The following LARGE1 variants were observed in gnomAD, a reference collection of about 807,000 sequenced individuals.
LARGE1 encodes xylosyl- and glucuronyltransferase LARGE1.
A neutral mutation model predicts 87.6 loss-of-function variants in LARGE1; 43 were observed. The ratio of observed to expected loss-of-function variants is 0.49; its 90% CI spans 0.38 to 0.63. The LOEUF (loss-of-function observed/expected upper bound fraction) is 0.63. Ranked by LOEUF, LARGE1 falls within the 30% of genes least tolerant of loss-of-function variation. The probability of loss-of-function intolerance (pLI) is 0.00; values close to 1 mark genes in which losing one functional copy is unlikely to be tolerated. For synonymous variants in LARGE1, 434 were observed against 394.6 expected (o/e 1.10, Z -1.18); for missense variants, 802 against 1,000.2 (o/e 0.80, Z 2.67).
the LARGE1 span, among the ~76,000 whole-genome samples, chr22:33,074,219 C>T: frequency 3.3e-5 from 5 of 152,186 alleles, no homozygotes; most frequent in African/African-American, 1.2e-4. Flanking sequence ...ACTCCTTTAC[C>T]GGGACCGCTT....
chr22:33,661,882 G>C (rs2081133745), intron 2 of LARGE1, among the ~76,000 whole-genome samples: 2 of 152,048 alleles, frequency 1.3e-5, no homozygotes, highest in African/African-American at 4.8e-5. Context: ...CTCAGACTTT[G>C]ATATCCTTCT....
intron 5 of LARGE1, among the ~76,000 whole-genome samples, chr22:33,602,851 C>T (rs150704646): frequency 5.3e-4 from 80 of 152,214 alleles, no homozygotes; most frequent in African/African-American, 1.8e-3. Flanking sequence ...GGTGCAGGCT[C>T]ACAGGGGACA....
intron 11 of LARGE1, among the ~76,000 whole-genome samples, chr22:33,220,423 CAG>C (rs1341039522): frequency 1.3e-5 from 2 of 151,994 alleles, no homozygotes; most frequent in African/African-American, 2.4e-5. Flanking sequence ...AGACTAAAGA[CAG>C]AGGGAAATGG....
At chr22:33,882,427 C>T (rs183861820) in intron 1 of LARGE1, among the ~76,000 whole-genome samples, 3 of 152,172 alleles carry the variant, frequency 2.0e-5, no homozygotes, top group African/African-American at 7.2e-5. Flanking sequence ...CCAAATCATA[C>T]CAAGATGCCC....
chr22:33,337,687 G>C lies in LARGE1; in HGVS notation c.1246C>G (p.Leu416Val), dbSNP rs769600808. Residue 416 changes from leucine to valine, a missense_variant, in exon 10 of 15, where the codon CTG becomes GTG. Physicochemically the swap from Leu to Val is conservative, Grantham distance 32. Coordinates refer to ENST00000397394, the MANE Select transcript of LARGE1 (RefSeq NM_133642.5). ...TCAGCCTCACTGGGGCAGCCAAACA[G>C]TTCCCGCCTCAGAAGATTGCCGTCA... The part of the protein sequence containing the change: ...EYDGNLLRRE[L>V]FGCPSEADVN... The C allele has an allele frequency of 6.2e-7, 1 of 1,614,116 alleles. No individual in the cohort carries two copies. Among genetic ancestry groups the C allele is most frequent in the Non-Finnish European group, 8.5e-7 (1 of 1,180,032 alleles).
intron 6 of LARGE1, among the ~76,000 whole-genome samples, chr22:33,442,088 G>GAAT (rs1158233036): frequency 6.6e-6 from 1 of 152,178 alleles, no homozygotes; most frequent in Non-Finnish European, 1.5e-5. Flanking sequence ...GAGTTAGGCT[G>GAAT]AATAAGTGAA....
At chr22:33,179,445 A>G (rs1234125064) in intron 11 of LARGE1, among the ~76,000 whole-genome samples, 4 of 152,152 alleles carry the variant, frequency 2.6e-5, no homozygotes, top group Non-Finnish European at 5.9e-5. Context: ...GGAAATATAA[A>G]GTTTTTGCTT....
At chr22:33,462,139 T>G (rs577453678) in intron 6 of LARGE1, among the ~76,000 whole-genome samples, 3 of 152,194 alleles carry the variant, frequency 2.0e-5, no homozygotes, top group African/African-American at 7.2e-5. Context: ...AATGACCAGG[T>G]GTATTTGAAA....
At chr22:33,440,660 A>G (rs1427188592) in intron 6 of LARGE1, among the ~76,000 whole-genome samples, 1 of 152,234 alleles carries the variant, frequency 6.6e-6, no homozygotes, top group Non-Finnish European at 1.5e-5. Flanking sequence ...ATTACCGTTT[A>G]CTAAACCTCC....
chr22:33,280,285 C>T (rs1930168502), intron 13 of LARGE1, among the ~76,000 whole-genome samples: 1 of 123,106 alleles, frequency 8.1e-6, no homozygotes, highest in African/African-American at 3.2e-5. Flanking sequence ...ATACAGTACT[C>T]AGAGTAGTTT....
intron 8 of LARGE1, among the ~76,000 whole-genome samples, 193 bp from the exon 9 acceptor site, chr22:33,382,237 G>C (rs1454143454): frequency 6.6e-6 from 1 of 152,200 alleles, no homozygotes; most frequent in African/African-American, 2.4e-5. Flanking sequence ...TTTGGATAGA[G>C]ACGGGGGAAT....
At chr22:33,537,838 TG>T (rs1440638384) in intron 6 of LARGE1, among the ~76,000 whole-genome samples, 1 of 152,208 alleles carries the variant, frequency 6.6e-6, no homozygotes, top group Non-Finnish European at 1.5e-5. Flanking sequence ...CCCAAAGTGC[TG>T]GGATTACGGG....
At chr22:33,549,455 C>T (rs1010630503) in intron 6 of LARGE1, among the ~76,000 whole-genome samples, 1 of 152,114 alleles carries the variant, frequency 6.6e-6, no homozygotes, top group Non-Finnish European at 1.5e-5. Context: ...TGAATCTGTG[C>T]CCTTTTGTGG....
intron 1 of LARGE1, among the ~76,000 whole-genome samples, chr22:33,838,763 G>A (rs1397759303): frequency 6.6e-6 from 1 of 152,208 alleles, no homozygotes; most frequent in African/African-American, 2.4e-5. Flanking sequence ...TTCTTCCTGA[G>A]ATGATGTTCA....
chr22:33,809,370 T>C (rs900871575), intron 1 of LARGE1, among the ~76,000 whole-genome samples: 1 of 152,250 alleles, frequency 6.6e-6, no homozygotes, highest in South Asian at 2.1e-4. Flanking sequence ...CACAACTATA[T>C]GTTCCATGCC....
intron 1 of LARGE1, among the ~76,000 whole-genome samples, chr22:33,900,395 G>A (rs935802960): frequency 2.6e-5 from 4 of 152,122 alleles, no homozygotes; most frequent in African/African-American, 9.7e-5. Flanking sequence ...ACCACATCAC[G>A]TGTCAGACCC....
At chr22:33,600,907 A>C (rs1276277449) in intron 5 of LARGE1, among the ~76,000 whole-genome samples, 2 of 152,270 alleles carry the variant, frequency 1.3e-5, no homozygotes, top group Non-Finnish European at 2.9e-5. Context: ...TTTAATAAAA[A>C]TATAAAAATT....
chr22:33,148,090 G>A, the LARGE1 span, among the ~76,000 whole-genome samples: 1 of 152,032 alleles, frequency 6.6e-6, no homozygotes, highest in Non-Finnish European at 1.5e-5. Flanking sequence ...GATGAGTTTG[G>A]GCCTGTTTCC....
chr22:33,693,104 G>A lies in LARGE1; in HGVS notation c.107-42436C>T, dbSNP rs1359701666. ...AAATCACCTCCTCTGCAGCAACCTCGATGGAGCTGGAGGCCACTATCCTAA... is the reference window on the plus strand; with the variant it reads ...AAATCACCTCCTCTGCAGCAACCTCAATGGAGCTGGAGGCCACTATCCTAA... On this transcript the variant is annotated intron_variant, in intron 2 of 14. Coordinates refer to ENST00000397394, the MANE Select transcript of LARGE1 (RefSeq NM_133642.5). Among the ~76,000 whole-genome samples the A allele has an allele frequency of 2.6e-5, 4 of 152,316 alleles. No homozygotes were observed. In the East Asian group the frequency reaches 5.8e-4, roughly 22 times the overall value.
Sources: allele counts gnomAD v4.1 joint callset (sites outside exome capture counted in the v4.1 genomes callset), GRCh38; gene constraint gnomAD v4.1.1; transcripts MANE v1.5; gene names NCBI Gene and HGNC (gene_info 2026-07-23, HGNC 2026-07-21).